The following APBB2 variants were observed in gnomAD, a reference collection of about 807,000 sequenced individuals.
The protein encoded by APBB2 is Fe65-like 1.
APBB2 carries 38 observed loss-of-function variants against 82.5 expected under a neutral mutation model. That is an observed-to-expected ratio of 0.46 (90% CI 0.36 to 0.60). APBB2 has a LOEUF of 0.60. Among genes scored for constraint, APBB2 ranks in the 20% least tolerant of loss-of-function variants. The pLI is 0.00. For missense variants in APBB2, 772 were observed against 972.3 expected (o/e 0.79, Z 2.74); for synonymous variants, 341 against 368.2 (o/e 0.93, Z 0.85).
intron 6 of APBB2, among the ~76,000 whole-genome samples, chr4:40,995,043 T>C (rs770649415): frequency 1.3e-5 from 2 of 152,042 alleles, no homozygotes; most frequent in East Asian, 3.9e-4. Flanking sequence ...CCAAGTAGCA[T>C]CATCTCAAGG....
intron 2 of APBB2, among the ~76,000 whole-genome samples, chr4:41,110,266 A>G (rs937335816): frequency 1.3e-5 from 2 of 152,194 alleles, no homozygotes; most frequent in African/African-American, 4.8e-5. Context: ...ATGATTACAC[A>G]TGGCACAGTC....
chr4:40,946,254 A>AAAAAAAAAC (rs1553875174), intron 6 of APBB2, among the ~76,000 whole-genome samples: 1,283 of 114,404 alleles, frequency 0.011, 112 homozygotes, highest in African/African-American at 0.04. Context: ...AAAAAAAAAA[A>AAAAAAAAAC]CATTCCCAAG....
chr4:41,191,963 A>G (rs764850900), intron 1 of APBB2, among the ~76,000 whole-genome samples: 7 of 152,218 alleles, frequency 4.6e-5, no homozygotes, highest in Non-Finnish European at 8.8e-5. Flanking sequence ...TAAAAAATGA[A>G]TAAGTCACCT....
intron 6 of APBB2, among the ~76,000 whole-genome samples, chr4:40,964,777 A>ACACACACACACACACAC (rs1560401538): frequency 4.5e-4 from 2 of 4,446 alleles, no homozygotes; most frequent in Non-Finnish European, 2.5e-3. Flanking sequence ...CACACACACA[A>ACACACACACACACACAC]CAATGCACAT....
chr4:41,159,077 C>T (rs992504939), intron 1 of APBB2, among the ~76,000 whole-genome samples: 20 of 152,288 alleles, frequency 1.3e-4, no homozygotes, highest in African/African-American at 4.8e-4. Context: ...CACAATCAGA[C>T]CTGAAGTTTA....
chr4:41,193,527 G>A (rs2154072165), intron 1 of APBB2: 2 of 983,330 alleles, frequency 2.0e-6, no homozygotes, highest in Non-Finnish European at 2.4e-6. Context: ...ACTCCCACAG[G>A]CCCTCCTGAG....
At chr4:40,908,248 G>C (rs1347400331) in intron 10 of APBB2, among the ~76,000 whole-genome samples, 1 of 152,078 alleles carries the variant, frequency 6.6e-6, no homozygotes, top group South Asian at 2.1e-4. Context: ...GTGACCTTGG[G>C]CTCCCAGCCT....
chr4:40,839,151 C>T lies in APBB2; in HGVS notation c.1530-8574G>A, dbSNP rs775267075. Among the ~76,000 whole-genome samples, 119 of 152,214 alleles carry T rather than the reference C, an allele frequency of 7.8e-4. 1 individual carries two copies. The Middle Eastern group carries it at 0.014, about 17-fold the overall frequency. ...GGAGTGCAGTGGTGCAATCAAAGCT[C>T]ATTGTAGCCTCGACCTCCTAGACTC... On this transcript the variant is annotated intron_variant, in intron 12 of 17. Coordinates refer to ENST00000508593, the MANE Select transcript of APBB2 (RefSeq NM_004307.2).
intron 6 of APBB2, among the ~76,000 whole-genome samples, chr4:40,955,207 TAGG>T (rs1007545292): frequency 2.0e-5 from 3 of 152,042 alleles, no homozygotes; most frequent in Non-Finnish European, 4.4e-5. Flanking sequence ...CTCCCTAAAG[TAGG>T]AGAAGGAGCC....
At chr4:41,068,673 T>C (rs1458704118) in intron 3 of APBB2, among the ~76,000 whole-genome samples, 2 of 152,196 alleles carry the variant, frequency 1.3e-5, no homozygotes, top group Non-Finnish European at 2.9e-5. Context: ...CAAAAAATAC[T>C]ATTATAAGCA....
intron 6 of APBB2, among the ~76,000 whole-genome samples, chr4:40,953,983 G>GC (rs1331842739): frequency 6.6e-6 from 1 of 152,180 alleles, no homozygotes; most frequent in African/African-American, 2.4e-5. Context: ...TGGGCCAAAA[G>GC]CAATACTTGG....
At chr4:40,838,329 A>ATTTT (rs780767835) in intron 12 of APBB2, among the ~76,000 whole-genome samples, 75 of 72,238 alleles carry the variant, frequency 1.0e-3, no homozygotes, top group African/African-American at 1.7e-3. Flanking sequence ...CACATGGCTA[A>ATTTT]TTTTTTTTTT....
intron 12 of APBB2, among the ~76,000 whole-genome samples, chr4:40,878,279 T>C (rs1232820906): frequency 6.6e-6 from 1 of 151,990 alleles, no homozygotes; most frequent in East Asian, 1.9e-4. Flanking sequence ...CCCGGGAGGC[T>C]GAGGTGAGTT....
chr4:41,112,023 A>C (rs1749358318), intron 2 of APBB2, among the ~76,000 whole-genome samples: 1 of 152,214 alleles, frequency 6.6e-6, no homozygotes, highest in East Asian at 1.9e-4. Context: ...GTTGAAACAG[A>C]TGGAAATGCT....
At chr4:40,863,539 TA>T (rs1763292361) in intron 12 of APBB2, among the ~76,000 whole-genome samples, 2 of 152,166 alleles carry the variant, frequency 1.3e-5, no homozygotes, top group Non-Finnish European at 2.9e-5. Flanking sequence ...GTGAATCATC[TA>T]AACCATGATC....
chr4:40,829,504 G>A (rs937101746), intron 13 of APBB2, among the ~76,000 whole-genome samples: 6 of 152,196 alleles, frequency 3.9e-5, no homozygotes, highest in African/African-American at 1.4e-4. Context: ...GGCCACCAAA[G>A]AGAATTGGGG....
At chr4:40,817,643 C>T (rs150690299) in intron 17 of APBB2, among the ~76,000 whole-genome samples, 6 of 152,020 alleles carry the variant, frequency 3.9e-5, no homozygotes, top group East Asian at 1.9e-4. Flanking sequence ...CCCCGCCCCA[C>T]GTATACCAAG....
intron 12 of APBB2, among the ~76,000 whole-genome samples, chr4:40,831,599 G>A (rs550697951): frequency 3.3e-5 from 5 of 152,184 alleles, no homozygotes; most frequent in African/African-American, 9.6e-5. Flanking sequence ...GTGGCGCAGC[G>A]GAAGCAAACA....
At chr4:40,817,842 T>C (rs570159193) in intron 17 of APBB2, among the ~76,000 whole-genome samples, 32 of 152,282 alleles carry the variant, frequency 2.1e-4, no homozygotes, top group African/African-American at 7.2e-4. Context: ...AATATGATGA[T>C]TGATTACACG....
Sources: gnomAD v4.1 joint callset for allele counts (sites outside exome capture counted in the v4.1 genomes callset) on GRCh38, gnomAD v4.1.1 for gene constraint, MANE v1.5 for transcripts, NCBI Gene and HGNC (gene_info 2026-07-23, HGNC 2026-07-21) for gene names.